The following THBS4 variants were observed in gnomAD, a reference collection of about 807,000 sequenced individuals.
THBS4 encodes the protein thrombospondin-4.
THBS4 carries 90 observed loss-of-function variants against 115.7 expected under a neutral mutation model. That is an observed-to-expected ratio of 0.78 (90% CI 0.66 to 0.93). THBS4 has a LOEUF of 0.93. THBS4 is among the 40% of genes least tolerant of loss of function. The probability of loss-of-function intolerance (pLI) is 0.00; values close to 1 mark genes in which losing one functional copy is unlikely to be tolerated. For missense variants in THBS4, 1,087 were observed against 1,232.7 expected, an observed-to-expected ratio of 0.88 and a Z score of 1.77; for synonymous variants, 460 against 479.3, an observed-to-expected ratio of 0.96 and a Z score of 0.53.
rs1580980131 is a variant in THBS4 at position 80,071,246 on chromosome 5, A to G, written c.1720+66A>G. On this transcript the variant is annotated intron_variant, in intron 13 of 21. Transcript: ENST00000350881. ...TGACCTTGTTCCATTGTTCTCTGAG[A>G]GAGTAGGAATAGAATGACTGATTCG... The G allele has an allele frequency of 2.0e-6, 3 of 1,523,000 alleles. No individual in the cohort carries two copies. The East Asian group carries it at 6.9e-5, about 35-fold the overall frequency. 94.3% of individuals were successfully genotyped at this position (1,523,000 alleles called of 1,614,324 possible).
Position 80,027,773 on chromosome 5 carries a change from A to G in THBS4, n.178-12304A>G, listed in dbSNP as rs565003986. Among the ~76,000 whole-genome samples, 18 of 151,512 alleles carry G rather than the reference A, an allele frequency of 1.2e-4. No homozygotes were observed. In the South Asian group the frequency reaches 3.8e-3, roughly 32 times the overall value. On this transcript the variant is annotated intron_variant and non_coding_transcript_variant, in intron 2 of 3. Transcript: ENST00000510218. ...AATTGGCCAGGCATGTAGTGGACAC[A>G]TGTAATCCCAGCTACTTGGGAGGCT...
intron 15 of THBS4, chr5:80,076,087 C>CT (rs1213790713): frequency 2.6e-5 from 4 of 152,576 alleles, no homozygotes; most frequent in African/African-American, 7.2e-5. Flanking sequence ...GCAGACTCAT[C>CT]TTCAGGTGGC....
chr5:80,076,782 C>T, intron 15 of THBS4, 73 bp from the exon 16 acceptor site: 1 of 1,362,040 alleles, frequency 7.3e-7, no homozygotes, highest in Non-Finnish European at 9.6e-7. Context: ...AGCACAGACT[C>T]TCCTTCCTAA....
intron 2 of THBS4, among the ~76,000 whole-genome samples, chr5:80,023,804 A>C (rs1222025027): frequency 1.3e-5 from 2 of 152,156 alleles, no homozygotes; most frequent in Non-Finnish European, 2.9e-5. Context: ...GTGTGTGCAA[A>C]GAGATCACAT....
chr5:80,008,707 C>T (rs986606341), intron 2 of THBS4, among the ~76,000 whole-genome samples: 2 of 152,076 alleles, frequency 1.3e-5, no homozygotes, highest in Admixed American at 6.6e-5. Flanking sequence ...GAGGGGCTCT[C>T]GTACATTGTT....
intron 8 of THBS4, among the ~76,000 whole-genome samples, 172 bp downstream of exon 8, chr5:80,062,004 A>G (rs1833654435): frequency 6.6e-6 from 1 of 152,196 alleles, no homozygotes; most frequent in African/African-American, 2.4e-5. Flanking sequence ...GAGTATTTAC[A>G]TTTATAAAAT....
intron 5 of THBS4, 36 bp from the exon 6 acceptor site, chr5:80,059,404 C>T: frequency 6.2e-7 from 1 of 1,603,000 alleles, no homozygotes; most frequent in Non-Finnish European, 8.5e-7. Context: ...TCAGGCATTC[C>T]TTTTCAATCC....
intron 8 of THBS4, among the ~76,000 whole-genome samples, chr5:80,063,872 G>A (rs908464750): frequency 2.6e-5 from 4 of 152,208 alleles, no homozygotes; most frequent in Non-Finnish European, 5.9e-5. Context: ...AGGAAATGGC[G>A]CAGTGTCCAG....
chr5:80,044,812 GT>G (rs1305498206), intron 2 of THBS4, among the ~76,000 whole-genome samples: 1 of 152,136 alleles, frequency 6.6e-6, no homozygotes, highest in Non-Finnish European at 1.5e-5. Context: ...TCTGGTAGAA[GT>G]GATCTGCCAG....
intron 2 of THBS4, among the ~76,000 whole-genome samples, chr5:80,005,027 C>T (rs1177201196): frequency 6.6e-6 from 1 of 151,958 alleles, no homozygotes; most frequent in Non-Finnish European, 1.5e-5. Flanking sequence ...CATGAGCCAC[C>T]ACGCCCAGCC....
At chr5:79,995,246 A>G (rs1378272837) in intron 1 of THBS4, among the ~76,000 whole-genome samples, 2 of 152,256 alleles carry the variant, frequency 1.3e-5, no homozygotes, top group Non-Finnish European at 1.5e-5. Flanking sequence ...GTAGACAGCT[A>G]TTGTTACATG....
intron 2 of THBS4, among the ~76,000 whole-genome samples, chr5:80,003,661 T>C (rs750104998): frequency 6.6e-6 from 1 of 152,204 alleles, no homozygotes; most frequent in South Asian, 2.1e-4. Flanking sequence ...TGAGTATATA[T>C]GTATGAATGA....
intron 2 of THBS4, among the ~76,000 whole-genome samples, chr5:80,053,880 C>T (rs1833333185): frequency 6.6e-6 from 1 of 152,154 alleles, no homozygotes; most frequent in Non-Finnish European, 1.5e-5. Flanking sequence ...TGTTTAGACA[C>T]TAGCTGAAAT....
chr5:80,082,953 G>T (rs1353996371), intron 21 of THBS4, 127 bp from the exon 22 acceptor site: 1 of 809,700 alleles, frequency 1.2e-6, no homozygotes, highest in Non-Finnish European at 2.1e-6. Context: ...AAATGGCGGC[G>T]AGGGCCTGCG....
chr5:80,009,472 GT>G (rs1305312387), intron 2 of THBS4, among the ~76,000 whole-genome samples: 7 of 152,198 alleles, frequency 4.6e-5, no homozygotes, highest in Admixed American at 2.0e-4. Flanking sequence ...TTATGGGGAA[GT>G]TTTTAAGGAA....
chr5:80,077,773 ACTT>A (rs780375291), intron 16 of THBS4, among the ~76,000 whole-genome samples: 2 of 152,208 alleles, frequency 1.3e-5, no homozygotes, highest in Non-Finnish European at 2.9e-5. Flanking sequence ...GGTAATAAGA[ACTT>A]CTTGAGGACA....
At chr5:80,058,684 C>G (rs1019913106) in intron 4 of THBS4, 24 bp from the exon 5 acceptor site, 32 of 1,612,078 alleles carry the variant, frequency 2.0e-5, no homozygotes, top group Non-Finnish European at 2.7e-5. Flanking sequence ...GCTGAAAACT[C>G]TTTGCCTTTT....
At chr5:80,064,743 C>CA (rs932227173) in intron 8 of THBS4, among the ~76,000 whole-genome samples, 4 of 151,614 alleles carry the variant, frequency 2.6e-5, no homozygotes, top group African/African-American at 9.7e-5. Flanking sequence ...ACAACAACAA[C>CA]AAAAAAATAT....
chr5:80,035,694 G>A lies in THBS4; in HGVS notation c.88+69G>A, dbSNP rs1437420709. The A allele has an allele frequency of 1.8e-6, 2 of 1,106,586 alleles. No homozygotes were observed. The highest frequency in any genetic ancestry group is 3.2e-5 in the East Asian group (1 of 31,032). The allele number at this position is 1,106,586 out of a possible 1,614,324, so 68.5% of individuals were successfully genotyped here. A position where few individuals can be genotyped will look rare whatever the true frequency, so the allele number is the denominator to read the frequency against. ...GCCCCATCTGCTGAGTGAGTGGAGGGACTTGCTCGGCCCTGTGCTCCTGTG... is the reference window on the plus strand; with the variant it reads ...GCCCCATCTGCTGAGTGAGTGGAGGAACTTGCTCGGCCCTGTGCTCCTGTG... On this transcript the variant is annotated intron_variant, in intron 1 of 21. Coordinates refer to ENST00000350881, the MANE Select transcript of THBS4 (RefSeq NM_003248.6). This position sits in a 1 kb window ranked among gnomAD's most constrained non-coding sequence, Gnocchi z 4.6.
Sources: gnomAD v4.1 joint callset for allele counts (sites outside exome capture counted in the v4.1 genomes callset) on GRCh38, gnomAD v4.1.1 for gene constraint, Gnocchi (gnomAD v3.1) non-coding constraint, MANE v1.5 for transcripts, NCBI Gene and HGNC (gene_info 2026-07-23, HGNC 2026-07-21) for gene names.